The following RYR3 variants were observed in gnomAD, a reference collection of about 807,000 sequenced individuals.
RYR3 encodes the protein ryanodine receptor 3.
Under a neutral mutation model 584.3 loss-of-function variants are expected in RYR3, and 207 were observed. The observed-to-expected ratio is 0.35, with a 90% CI of 0.32 to 0.40. The LOEUF is 0.40. Among genes scored for constraint, RYR3 ranks in the 10% least tolerant of loss-of-function variants. RYR3 has a pLI of 1.00. For synonymous variants in RYR3, 2,416 were observed against 2,248.5 expected, an observed-to-expected ratio of 1.07 and a Z score of -2.11; for missense variants, 5,616 against 6,089.2, an observed-to-expected ratio of 0.92 and a Z score of 2.59.
At chr15:33,599,067 G>A (rs1456461967) in intron 16 of RYR3, among the ~76,000 whole-genome samples, 1 of 152,018 alleles carries the variant, frequency 6.6e-6, no homozygotes, top group Non-Finnish European at 1.5e-5. Flanking sequence ...AAAAAAAAAG[G>A]AGTTGTACAG....
chr15:33,564,432 C>T (rs1296156175), intron 11 of RYR3, among the ~76,000 whole-genome samples: 2 of 152,154 alleles, frequency 1.3e-5, no homozygotes, highest in Non-Finnish European at 2.9e-5. Context: ...ATACAGTAGG[C>T]TTTCCGTTGA....
chr15:33,859,061 T>C (rs2080050582), intron 99 of RYR3: 1 of 154,090 alleles, frequency 6.5e-6, no homozygotes, highest in African/African-American at 2.4e-5. Flanking sequence ...GAGGGTGCCC[T>C]GCTCAGGGAG....
chr15:33,599,042 G>A (rs557439350), intron 16 of RYR3, among the ~76,000 whole-genome samples: 49 of 135,830 alleles, frequency 3.6e-4, no homozygotes, highest in African/African-American at 1.3e-3. Context: ...GAGACAGAGC[G>A]AGACTCCGTC....
At chr15:33,664,222 TCC>T (rs769748608) in intron 36 of RYR3, among the ~76,000 whole-genome samples, 17 of 152,066 alleles carry the variant, frequency 1.1e-4, no homozygotes, top group Non-Finnish European at 2.2e-4. Context: ...TCACAAAGCC[TCC>T]CCAGCTCCAT....
intron 5 of RYR3, among the ~76,000 whole-genome samples, chr15:33,538,411 G>A (rs1169288936): frequency 6.6e-6 from 1 of 152,170 alleles, no homozygotes; most frequent in Non-Finnish European, 1.5e-5. Flanking sequence ...GTGGAGGGAG[G>A]GAGGGAAAGG....
At chr15:33,820,613 A>G in intron 77 of RYR3, 143 bp from the exon 78 acceptor site, 1 of 654,560 alleles carries the variant, frequency 1.5e-6, no homozygotes, top group Non-Finnish European at 2.6e-6. Context: ...CAGTGGCCAA[A>G]ATGTTCCTGG....
intron 64 of RYR3, 118 bp from the exon 65 acceptor site, chr15:33,780,093 T>C: frequency 8.4e-7 from 1 of 1,188,932 alleles, no homozygotes; most frequent in South Asian, 1.5e-5. Flanking sequence ...CATGCAAGCT[T>C]GCTGAGCCTA....
intron 38 of RYR3, among the ~76,000 whole-genome samples, chr15:33,687,545 C>T (rs966738349): frequency 3.3e-5 from 5 of 152,138 alleles, no homozygotes; most frequent in African/African-American, 1.2e-4. Context: ...ACTTTCTTCA[C>T]AGAATTGGAA....
At chr15:33,687,731 C>G (rs925497413) in intron 38 of RYR3, among the ~76,000 whole-genome samples, 3 of 152,094 alleles carry the variant, frequency 2.0e-5, no homozygotes, top group Admixed American at 2.0e-4. Context: ...ACCAATGGAA[C>G]AGAACAGAGG....
chr15:33,335,756 G>C (rs898958270), intron 1 of RYR3, among the ~76,000 whole-genome samples: 1 of 150,768 alleles, frequency 6.6e-6, no homozygotes, highest in Non-Finnish European at 1.5e-5. Flanking sequence ...ATCAGTTTTG[G>C]CCCAAGCTTC....
chr15:33,638,528 A>G (rs910009731), intron 27 of RYR3, among the ~76,000 whole-genome samples: 1 of 152,230 alleles, frequency 6.6e-6, no homozygotes, highest in Non-Finnish European at 1.5e-5. Context: ...AGAACTTTGT[A>G]AAGTCCAAAG....
At chr15:33,330,389 G>T (rs1030004340) in intron 1 of RYR3, among the ~76,000 whole-genome samples, 1 of 152,048 alleles carries the variant, frequency 6.6e-6, no homozygotes, top group Non-Finnish European at 1.5e-5. Context: ...TGGAGCAGTT[G>T]CCATCATGCC....
At chr15:33,440,511 T>G (rs1271126925) in intron 1 of RYR3, among the ~76,000 whole-genome samples, 3 of 152,088 alleles carry the variant, frequency 2.0e-5, no homozygotes, top group Non-Finnish European at 4.4e-5. Context: ...ACAGCTGGAG[T>G]GCTATTGGCA....
chr15:33,604,754 CCACTGAGT>C (rs1383194210), intron 18 of RYR3, among the ~76,000 whole-genome samples: 4 of 152,196 alleles, frequency 2.6e-5, no homozygotes, highest in Non-Finnish European at 2.9e-5. Flanking sequence ...TATCATGGAG[CCACTGAGT>C]CTGTGGCTAT....
chr15:33,787,614 A>G (rs1242852245), intron 66 of RYR3, among the ~76,000 whole-genome samples: 1 of 152,008 alleles, frequency 6.6e-6, no homozygotes. Context: ...TCTAGTGATC[A>G]CCCCAGCCTC....
chr15:33,793,574 A>T (rs2152921416), intron 67 of RYR3, among the ~76,000 whole-genome samples: 1 of 152,248 alleles, frequency 6.6e-6, no homozygotes, highest in Non-Finnish European at 1.5e-5. Flanking sequence ...GAAATTCCAC[A>T]AGTTCTAGTA....
Position 33,845,007 on chromosome 15 carries a change from C to T in RYR3, c.13442C>T (p.Ala4481Val). The T allele has an allele frequency of 6.2e-7, 1 of 1,613,998 alleles. No homozygotes were observed. The highest frequency in any genetic ancestry group is 8.5e-7 in the Non-Finnish European group (1 of 1,179,880). The change falls in exon 93 of 104, where the codon GCC (alanine) becomes GTC (valine). Residue 4481 changes from alanine to valine, a missense_variant. Ala to Val is a moderately conservative substitution (Grantham distance 64). This residue lies in a region of RYR3 where 918 missense variants were observed against 887.4 expected (regional missense o/e 1.03). Transcript: ENST00000634891. ...GYMAPTLRAL[A>V]IIHTIISLVC... ...ATGGCACCAACCCTGCGTGCCCTGG[C>T]CATCATCCATACCATCATCTCTCTA...
intron 46 of RYR3, among the ~76,000 whole-genome samples, chr15:33,727,170 G>A (rs954393653): frequency 2.0e-5 from 3 of 152,240 alleles, no homozygotes; most frequent in African/African-American, 7.2e-5. Context: ...ACAGTCGCAT[G>A]CCTTAGGGCT....
intron 65 of RYR3, 85 bp from the exon 66 acceptor site, chr15:33,785,577 C>T (rs1438191146): frequency 8.8e-7 from 1 of 1,134,448 alleles, no homozygotes; most frequent in Non-Finnish European, 1.2e-6. Flanking sequence ...TTCCTAAAGA[C>T]CAAAGGAAAG....
Sources: gnomAD v4.1 joint callset for allele counts (sites outside exome capture counted in the v4.1 genomes callset) on GRCh38, gnomAD v4.1.1 for gene constraint, gnomAD v4.1.1 regional missense constraint, MANE v1.5 for transcripts, NCBI Gene and HGNC (gene_info 2026-07-23, HGNC 2026-07-21) for gene names.